Variants in HOXB13 observed in about 807,000 individuals in gnomAD.
The protein encoded by HOXB13 is homeobox B13.
A neutral mutation model predicts 23.1 loss-of-function variants in HOXB13; 22 were observed. The ratio of observed to expected loss-of-function variants is 0.95; its 90% confidence interval spans 0.68 to 1.36. The LOEUF (loss-of-function observed/expected upper bound fraction) is 1.36. Ranked by LOEUF, HOXB13 falls within the 40% of genes most tolerant of loss-of-function variation. The pLI, the probability that HOXB13 is intolerant of heterozygous loss-of-function variation, is 0.00. For missense variants in HOXB13, 386 were observed against 376.2 expected, an observed-to-expected ratio of 1.03 and a Z score of -0.22; for synonymous variants, 173 against 157.9, an observed-to-expected ratio of 1.10 and a Z score of -0.72.
At position 48,726,857 on chromosome 17, in the gene HOXB13, C is replaced by G; in HGVS notation, c.788G>C (p.Trp263Ser). 2 of 1,614,172 alleles carry G rather than the reference C, an allele frequency of 1.2e-6. No individual in the cohort carries two copies. The highest frequency in any genetic ancestry group is 1.7e-6 in the Non-Finnish European group (2 of 1,180,018). ...TSLSERQITIWFQNRRVKEKK... is the reference protein window; with the variant it reads ...TSLSERQITISFQNRRVKEKK... ...CTCTTTGACCCGGCGGTTCTGAAAC[C>G]AGATGGTAATCTGGCGCTCCGAGAG... is the stretch of plus-strand genomic sequence containing the variant. The change falls in exon 2 of 2, where the codon TGG (tryptophan) becomes TCG (serine). Residue 263 changes from tryptophan (W) to serine (S), a missense_variant. By Grantham distance (177) the Trp-to-Ser change is radical (BLOSUM62 -3). Transcript: ENST00000290295.
In HOXB13 at chr17:48,728,398, A is replaced by G. The variant is rs778843798; in HGVS notation, c.196T>C (p.Cys66Arg). The change falls in exon 1 of 2, where the codon TGC becomes CGC. Residue 66 changes from cysteine to arginine, a missense_variant. Coordinates refer to ENST00000290295, the MANE Select transcript of HOXB13 (RefSeq NM_006361.6). ...GACGTCCCCTGGGGCACCCCAGGGC[A>G]TGGGTGGCATTGCTTTGGCGGCTCC... is the stretch of plus-strand genomic sequence containing the variant. ...SAEPPKQCHP[C>R]PGVPQGTSPA... The G allele has an allele frequency of 1.7e-5, 28 of 1,613,710 alleles. No individual in the cohort carries two copies. In the South Asian group the frequency reaches 3.1e-4, roughly 18 times the overall value.
rs2038245990 is a variant in HOXB13, at chr17:48,728,696, C to T, written c.-103G>A. The T allele has an allele frequency of 2.6e-6, 3 of 1,157,838 alleles. No homozygotes were observed. Among genetic ancestry groups the T allele is most frequent in the Middle Eastern group, 3.0e-4 (1 of 3,364 alleles). The allele number at this position is 1,157,838 out of a possible 1,614,324, so 71.7% of individuals were successfully genotyped here. A position where few individuals can be genotyped will look rare whatever the true frequency, so the allele number is the denominator to read the frequency against. The stretch of plus-strand genomic sequence containing the variant: ...GGGGAATCCAAAGCGTTTTAAATCG[C>T]TCCCAGCTCGCAAGTCGCCTGCATT... On this transcript the variant is annotated 5_prime_UTR_variant, in exon 1 of 2. Coordinates refer to ENST00000290295, the MANE Select transcript of HOXB13 (RefSeq NM_006361.6).
rs745306184 is a variant in HOXB13 at position 48,728,425 on chromosome 17, C to A, written c.169G>T (p.Ala57Ser). 6.2e-7 allele frequency: 1 copy of A among 1,613,348 alleles called. No individual in the cohort carries two copies. The highest frequency in any genetic ancestry group is 1.7e-5 in the Admixed American group (1 of 59,994). The change falls in exon 1 of 2, where the codon GCG becomes TCG. Residue 57 changes from alanine to serine, a missense_variant. Transcript: ENST00000290295. ...NYAPLDLPGS[A>S]EPPKQCHPCP... ...GGGTGGCATTGCTTTGGCGGCTCCG[C>A]CGAGCCTGGCAGATCCAAGGGGGCA...
chr17:48,727,899 G>A, intron 1 of HOXB13, 94 bp downstream of exon 1: 1 of 1,442,522 alleles, frequency 6.9e-7, no homozygotes, highest in Non-Finnish European at 9.4e-7. Flanking sequence ...ATCCTCACCA[G>A]CTCCAAGTCT....
rs1242831503 is a variant in HOXB13 at position 48,728,032 on chromosome 17, G to T, written c.562C>A (p.Gln188Lys). ...TTCCAAAAGGGACCTGGTGGGTTCT[G>T]TTCTCCCTGGCAACACATCTGGCTG... The part of the protein sequence containing the change: ...WNSQMCCQGE[Q>K]NPPGPFWKAA... The change falls in exon 1 of 2, where the codon CAG becomes AAG. Residue 188 changes from glutamine (Q) to lysine (K), a missense_variant. Coordinates refer to ENST00000290295, the MANE Select transcript of HOXB13 (RefSeq NM_006361.6). 1.2e-6 allele frequency: 2 copies of T among 1,614,084 alleles called. No individual in the cohort carries two copies. The highest frequency in any genetic ancestry group is 1.3e-5 in the African/African-American group (1 of 74,920).
At position 48,728,636 on chromosome 17, in the gene HOXB13, A is replaced by AG; in HGVS notation, c.-44dup. The AG allele has an allele frequency of 6.2e-7, 1 of 1,603,452 alleles. No homozygotes were observed. Among genetic ancestry groups the AG allele is most frequent in the Non-Finnish European group, 8.5e-7 (1 of 1,176,134 alleles). ...CATGAGGTGCGGGGGCGGGGAATCT[A>AG]GGGGGCACCCAGCTCGCTCTCCCCA... On this transcript the variant is annotated 5_prime_UTR_variant, in exon 1 of 2. Transcript: ENST00000290295.
chr17:48,728,627 G>A lies in HOXB13; in HGVS notation c.-34C>T, dbSNP rs1597935558. On this transcript the variant is annotated 5_prime_UTR_variant, in exon 1 of 2. Coordinates refer to ENST00000290295, the MANE Select transcript of HOXB13 (RefSeq NM_006361.6). ...GGGTCGGCTCATGAGGTGCGGGGGC[G>A]GGGAATCTAGGGGGCACCCAGCTCG... is the stretch of plus-strand genomic sequence containing the variant. 3.1e-6 allele frequency: 5 copies of A among 1,604,676 alleles called. No individual in the cohort carries two copies. Among genetic ancestry groups the A allele is most frequent in the African/African-American group, 2.7e-5 (2 of 74,648 alleles).
rs72831846 is a variant in HOXB13 at position 48,727,233 on chromosome 17, C to G, written c.602-190G>C. 1.3e-4 allele frequency among the ~76,000 whole-genome samples: 20 copies of G among 152,310 alleles called. No homozygotes were observed. In the South Asian group the frequency reaches 3.9e-3, roughly 30 times the overall value. The stretch of plus-strand genomic sequence containing the variant: ...GGCTTCCGGCTTGTTCTCTCACCAC[C>G]GCTCAGCCTTGGCTCCTGAAGGCCA... On this transcript the variant is annotated intron_variant, in intron 1 of 1. Coordinates refer to ENST00000290295, the MANE Select transcript of HOXB13 (RefSeq NM_006361.6).
chr17:48,726,687 G>C lies in HOXB13; in HGVS notation c.*103C>G, dbSNP rs540198896. The C allele has an allele frequency of 7.1e-6, 10 of 1,409,446 alleles. No homozygotes were observed. Among genetic ancestry groups the C allele is most frequent in the Non-Finnish European group, 9.6e-6 (10 of 1,038,102 alleles). The allele number at this position is 1,409,446 out of a possible 1,614,324, so 87.3% of individuals were successfully genotyped here. A position where few individuals can be genotyped will look rare whatever the true frequency, so the allele number is the denominator to read the frequency against. On this transcript the variant is annotated 3_prime_UTR_variant, in exon 2 of 2. Coordinates refer to ENST00000290295, the MANE Select transcript of HOXB13 (RefSeq NM_006361.6). Reference sequence around the variant, plus strand: ...GGCCTGGGAAGGGTGTTGTCTCTAGGGGCCTCTCAGCAGAGTCCTTGGCCC... The same window carrying C: ...GGCCTGGGAAGGGTGTTGTCTCTAGCGGCCTCTCAGCAGAGTCCTTGGCCC...
At position 48,726,813 on chromosome 17, in the gene HOXB13, C is replaced by A. The variant is rs200997384; in HGVS notation, c.832G>T (p.Val278Leu). 146 of 1,614,186 alleles carry A rather than the reference C, an allele frequency of 9.0e-5. 1 individual carries two copies. The East Asian group carries it at 2.2e-3, about 24-fold the overall frequency. ...TCTTAAGGGGTAGCGCTGTTCTTCA[C>A]CTTGGCGAGAACCTTCTTCTCTTTG... ...RVKEKKVLAK[V>L]KNSATP is the part of the protein sequence containing the mutation. Residue 278 changes from valine to leucine, a missense_variant, in exon 2 of 2, where the codon GTG becomes TTG. Coordinates refer to ENST00000290295, the MANE Select transcript of HOXB13 (RefSeq NM_006361.6).
At position 48,727,017 on chromosome 17, in the gene HOXB13, C is replaced by T. The variant is rs1467916908; in HGVS notation, c.628G>A (p.Ala210Thr). 1.2e-5 allele frequency: 19 copies of T among 1,609,214 alleles called. No homozygotes were observed. The highest frequency in any genetic ancestry group is 1.5e-5 in the Non-Finnish European group (18 of 1,180,006). Reference protein sequence around the residue: ...ADSSGQHPPDACAFRRGRKKR... With the variant: ...ADSSGQHPPDTCAFRRGRKKR... ...TTGCGGCCGCGACGAAAGGCGCAGG[C>T]GTCAGGAGGGTGCTGCCCGCTGGAG... The change falls in exon 2 of 2, where the codon GCC (alanine) becomes ACC (threonine). Residue 210 changes from alanine (A) to threonine (T), a missense_variant. Ala to Thr is a moderately conservative substitution (Grantham distance 58). Coordinates refer to ENST00000290295, the MANE Select transcript of HOXB13 (RefSeq NM_006361.6).
rs745889927 is a variant in HOXB13, at chr17:48,728,263, C to T, written c.331G>A (p.Ala111Thr). The change falls in exon 1 of 2, where the codon GCG becomes ACG. Residue 111 changes from alanine to threonine, a missense_variant. Physicochemically the swap from Ala to Thr is moderately conservative, Grantham distance 58. Coordinates refer to ENST00000290295, the MANE Select transcript of HOXB13 (RefSeq NM_006361.6). ...TCTTCCCCGGCCGTGGGAGTCTCCG[C>T]GGGGTACGCGGCCAGGGTGGCTGCC... ...AQAATLAAYP[A>T]ETPTAGEEYP... 1.9e-6 allele frequency: 3 copies of T among 1,614,054 alleles called. No individual in the cohort carries two copies. The highest frequency in any genetic ancestry group is 2.2e-5 in the South Asian group (2 of 91,086).
chr17:48,724,978 C>G lies in HOXB13; in HGVS notation c.*1812G>C. 1 of 254,724 alleles carries G rather than the reference C, an allele frequency of 3.9e-6. No homozygotes were observed. Among genetic ancestry groups the G allele is most frequent in the East Asian group, 7.1e-5 (1 of 14,048 alleles). 15.8% of individuals were successfully genotyped at this position (254,724 alleles called of 1,614,324 possible). ...GTCACCCCGCACCATGCCGCTCCCC[C>G]TCATCTATCTTGCCCCCTCCCCACA... On this transcript the variant is annotated 3_prime_UTR_variant, in exon 2 of 2. Transcript: ENST00000290295.
At position 48,728,611 on chromosome 17, in the gene HOXB13, C is replaced by T. The variant is rs2038244321; in HGVS notation, c.-18G>A. On this transcript the variant is annotated 5_prime_UTR_variant, in exon 1 of 2. The change abolishes an upstream ATG in the 5' untranslated region. Coordinates refer to ENST00000290295, the MANE Select transcript of HOXB13 (RefSeq NM_006361.6). The stretch of plus-strand genomic sequence containing the variant: ...GGCTCCATGGAGCCGAGGGTCGGCT[C>T]ATGAGGTGCGGGGGCGGGGAATCTA... 4 of 1,610,768 alleles carry T rather than the reference C, an allele frequency of 2.5e-6. No homozygotes were observed. The highest frequency in any genetic ancestry group is 3.4e-6 in the Non-Finnish European group (4 of 1,179,644).
In HOXB13 at chr17:48,728,136, C is replaced by A. The variant is rs766929278; in HGVS notation, c.458G>T (p.Gly153Val). 5 of 1,614,090 alleles carry A rather than the reference C, an allele frequency of 3.1e-6. No individual in the cohort carries two copies. The highest frequency in any genetic ancestry group is 4.2e-6 in the Non-Finnish European group (5 of 1,180,050). Residue 153 changes from glycine to valine, a missense_variant, in exon 1 of 2, where the codon GGT becomes GTT. Physicochemically the swap from Gly to Val is moderately radical, Grantham distance 109. Transcript: ENST00000290295. ...GTCATGTCGCGGTTCTCCAGGAGCACCCAGAGTCTGCACCACAGACACGTC... is the reference window on the plus strand; with the variant it reads ...GTCATGTCGCGGTTCTCCAGGAGCAACCAGAGTCTGCACCACAGACACGTC... ...YLDVSVVQTL[G>V]APGEPRHDSL...
rs936592542 is a variant in HOXB13 at position 48,726,632 on chromosome 17, C to G, written c.*158G>C. 2.2e-6 allele frequency: 2 copies of G among 897,202 alleles called. No homozygotes were observed. The highest frequency in any genetic ancestry group is 3.6e-5 in the South Asian group (2 of 55,392). The allele number at this position is 897,202 out of a possible 1,614,324, so 55.6% of individuals were successfully genotyped here. A position where few individuals can be genotyped will look rare whatever the true frequency, so the allele number is the denominator to read the frequency against. On this transcript the variant is annotated 3_prime_UTR_variant, in exon 2 of 2. Transcript: ENST00000290295. ...TCCCTGCACATACTGGGTACCCAGG[C>G]CGCTCCTGAGGAACAGTCCAGCAGC...
In HOXB13 at chr17:48,728,488, G is replaced by T. The variant is rs550726919; in HGVS notation, c.106C>A (p.His36Asn). The change falls in exon 1 of 2, where the codon CAC becomes AAC. Residue 36 changes from histidine (H) to asparagine (N), a missense_variant. His to Asn is a moderately conservative substitution (Grantham distance 68, BLOSUM62 1). Transcript: ENST00000290295. ...GGCATCAGCGTAGGCGCCGCTGGGT[G>T]GCTGGTCAGAGGGGAGTGGGCGACC... is the stretch of plus-strand genomic sequence containing the variant. ...NLVAHSPLTS[H>N]PAAPTLMPAV... 2.5e-6 allele frequency: 4 copies of T among 1,613,416 alleles called. No individual in the cohort carries two copies. Among genetic ancestry groups the T allele is most frequent in the Admixed American group, 1.7e-5 (1 of 60,016 alleles).
chr17:48,727,585 T>C (rs1012454656), intron 1 of HOXB13, among the ~76,000 whole-genome samples: 6 of 152,150 alleles, frequency 3.9e-5, no homozygotes, highest in African/African-American at 1.4e-4. Context: ...GTACATCCAA[T>C]ACCTTTTTAC....
In HOXB13 at chr17:48,725,591, G is replaced by C. The variant is rs2038199901; in HGVS notation, c.*1199C>G. 1 of 152,298 alleles carries C rather than the reference G, an allele frequency of 6.6e-6. No homozygotes were observed. The highest frequency in any genetic ancestry group is 6.5e-5 in the Admixed American group (1 of 15,276). 9.4% of individuals were successfully genotyped at this position (152,298 alleles called of 1,614,324 possible). ...CCACCGACCCGCTGCTCGGAGCTTCGGTTCTGCGGGTTGTCCAGACTTCAG... is the reference window on the plus strand; with the variant it reads ...CCACCGACCCGCTGCTCGGAGCTTCCGTTCTGCGGGTTGTCCAGACTTCAG... On this transcript the variant is annotated 3_prime_UTR_variant, in exon 2 of 2. Transcript: ENST00000290295.
Sources: gnomAD v4.1 joint callset for allele counts (sites outside exome capture counted in the v4.1 genomes callset) on GRCh38, gnomAD v4.1.1 for gene constraint, MANE v1.5 for transcripts, NCBI Gene and HGNC (gene_info 2026-07-23, HGNC 2026-07-21) for gene names.